The following NFIA variants were observed in gnomAD, a reference collection of about 807,000 sequenced individuals.
NFIA encodes the protein nuclear factor 1 A-type.
A neutral mutation model predicts 62.8 loss-of-function variants in NFIA; 8 were observed. That is an observed-to-expected ratio of 0.13 (90% confidence interval 0.07 to 0.23). The LOEUF is 0.23. Ranked by LOEUF, NFIA falls within the 10% of genes least tolerant of loss-of-function variation. The pLI, the probability that NFIA is intolerant of heterozygous loss-of-function variation, is 1.00. For synonymous variants in NFIA, 235 were observed against 238.1 expected, an observed-to-expected ratio of 0.99 and a Z score of 0.12; for missense variants, 410 against 642.1, an observed-to-expected ratio of 0.64 and a Z score of 3.91.
At chr1:61,449,512 CATCTAATCT>C (rs1480156476) in intron 10 of NFIA, among the ~76,000 whole-genome samples, 2 of 152,212 alleles carry the variant, frequency 1.3e-5, no homozygotes, top group African/African-American at 4.8e-5. Flanking sequence ...GAAGAAGGGA[CATCTAATCT>C]TAGAACCCAA....
At chr1:61,190,220 A>G (rs1359550452) in intron 2 of NFIA, among the ~76,000 whole-genome samples, 1 of 152,200 alleles carries the variant, frequency 6.6e-6, no homozygotes, top group Non-Finnish European at 1.5e-5. Flanking sequence ...ACTAGAGGCC[A>G]CGGTCTTAAT....
At position 61,200,058 on chromosome 1, in the gene NFIA, A is replaced by ACATATATATACG. The variant is rs1557632091; in HGVS notation, c.560-77462_560-77461insCATATATATACG. 4.3e-3 allele frequency among the ~76,000 whole-genome samples: 200 copies of ACATATATATACG among 46,860 alleles called. 12 individuals carry two copies. The highest frequency in any genetic ancestry group is 0.019 in the African/African-American group (182 of 9,562). The allele number at this position is 46,860 out of a possible 152,430, so 30.7% of individuals were successfully genotyped here. A position where few individuals can be genotyped will look rare whatever the true frequency, so the allele number is the denominator to read the frequency against. On this transcript the variant is annotated intron_variant, in intron 2 of 10. Transcript: ENST00000403491. ...TATATATATATATATATATATATATATATATATATGTATGTATGTTGAGCT... is the reference window on the plus strand; with the variant it reads ...TATATATATATATATATATATATATACATATATATACGTATATATATGTATGTATGTTGAGCT...
At chr1:61,401,744 G>C (rs1176246219) in intron 7 of NFIA, among the ~76,000 whole-genome samples, 1 of 152,154 alleles carries the variant, frequency 6.6e-6, no homozygotes, top group Admixed American at 6.5e-5. Flanking sequence ...GTTTTGTTAG[G>C]CTCAGTATAT....
intron 9 of NFIA, among the ~76,000 whole-genome samples, chr1:61,419,617 C>A (rs1332565039): frequency 6.6e-6 from 1 of 152,066 alleles, no homozygotes; most frequent in Non-Finnish European, 1.5e-5. Flanking sequence ...TACTTTTTAC[C>A]CCAAATTCTG....
intron 3 of NFIA, among the ~76,000 whole-genome samples, chr1:61,295,456 A>G (rs1659142624): frequency 6.6e-6 from 1 of 152,208 alleles, no homozygotes; most frequent in African/African-American, 2.4e-5. Context: ...TGGGTTCAGA[A>G]CATGGGTAAA....
At chr1:61,158,390 C>T (rs1648956370) in intron 2 of NFIA, among the ~76,000 whole-genome samples, 1 of 152,024 alleles carries the variant, frequency 6.6e-6, no homozygotes, top group Non-Finnish European at 1.5e-5. Context: ...ATCCTACTAC[C>T]CTGATTTACT....
intron 2 of NFIA, among the ~76,000 whole-genome samples, chr1:61,170,354 C>T (rs1425165818): frequency 6.6e-6 from 1 of 152,174 alleles, no homozygotes; most frequent in Non-Finnish European, 1.5e-5. Context: ...CCTTTTACCT[C>T]GATGGGGGAG....
chr1:61,188,729 C>T (rs1030983487), intron 2 of NFIA, among the ~76,000 whole-genome samples: 2 of 152,078 alleles, frequency 1.3e-5, no homozygotes, highest in African/African-American at 4.8e-5. Flanking sequence ...CTGAAAATTC[C>T]CATCTTCAAA....
intron 10 of NFIA, among the ~76,000 whole-genome samples, chr1:61,433,039 A>G (rs1557434713): frequency 6.6e-6 from 1 of 152,134 alleles, no homozygotes; most frequent in Non-Finnish European, 1.5e-5. Flanking sequence ...GTTTTTCACA[A>G]ATACTTATCT....
upstream of NFIA, chr1:61,081,963 C>T (rs1239025616): frequency 4.5e-6 from 7 of 1,549,508 alleles, no homozygotes; most frequent in Non-Finnish European, 8.7e-7. Context: ...TGCCGCCCGG[C>T]CTCCTCCTCG....
rs576613886 is a variant in NFIA at position 61,283,581 on chromosome 1, C to CAAAAAA, written c.625+6018_625+6023dup. On this transcript the variant is annotated intron_variant, in intron 3 of 10. Coordinates refer to ENST00000403491, the MANE Select transcript of NFIA (RefSeq NM_001134673.4). ...TGGGTGACAGAACGAGACTCTGTCT[C>CAAAAAA]AAAAAAAAAAAAAAAAAAAAAAAAA... is the stretch of plus-strand genomic sequence containing the variant. Among the ~76,000 whole-genome samples the CAAAAAA allele has an allele frequency of 4.1e-4, 15 of 36,692 alleles. 3 individuals are homozygous for CAAAAAA. The highest frequency in any genetic ancestry group is 9.2e-4 in the East Asian group (1 of 1,092). 24.1% of individuals were successfully genotyped at this position (36,692 alleles called of 152,430 possible).
At chr1:61,112,745 A>G (rs898976191) in intron 2 of NFIA, among the ~76,000 whole-genome samples, 7 of 152,212 alleles carry the variant, frequency 4.6e-5, no homozygotes, top group African/African-American at 1.4e-4. Context: ...ATGTTTGCAT[A>G]CAATGGATTA....
At chr1:61,313,668 A>G (rs1285389254) in intron 3 of NFIA, among the ~76,000 whole-genome samples, 1 of 152,184 alleles carries the variant, frequency 6.6e-6, no homozygotes, top group African/African-American at 2.4e-5. Context: ...TGGTTTGGGT[A>G]AAATCTACTG....
chr1:61,371,809 A>G (rs1465025375), intron 6 of NFIA, among the ~76,000 whole-genome samples: 2 of 152,184 alleles, frequency 1.3e-5, no homozygotes, highest in African/African-American at 2.4e-5. Context: ...ATATGGAAAT[A>G]GTCCTTTGGT....
At chr1:61,334,766 A>G (rs979837563) in intron 4 of NFIA, among the ~76,000 whole-genome samples, 13 of 151,750 alleles carry the variant, frequency 8.6e-5, no homozygotes, top group African/African-American at 2.9e-4. Flanking sequence ...GGATGCTGCA[A>G]TTCTTACATT....
chr1:61,462,030 T>TG lies in NFIA; in HGVS notation c.*6710_*6711insG, dbSNP rs985165327. On this transcript the variant is annotated 3_prime_UTR_variant, in exon 11 of 11. Coordinates refer to ENST00000403491, the MANE Select transcript of NFIA (RefSeq NM_001134673.4). ...TGTAAGTTAGCCTTTTTGGGTTTTT[T>TG]TTTTTTTTTTTTGGCTTTTTTTTTT... 11 of 150,152 alleles carry TG rather than the reference T, an allele frequency of 7.3e-5. No individual in the cohort carries two copies. Among genetic ancestry groups the TG allele is most frequent in the African/African-American group, 2.7e-4 (11 of 40,972 alleles). The allele number at this position is 150,152 out of a possible 1,614,324, so 9.3% of individuals were successfully genotyped here.
At chr1:61,261,155 C>A (rs1656750029) in intron 2 of NFIA, among the ~76,000 whole-genome samples, 1 of 152,182 alleles carries the variant, frequency 6.6e-6, no homozygotes, top group African/African-American at 2.4e-5. Context: ...GCTAACCCAG[C>A]TTCTAACAGT....
chr1:61,312,181 G>A (rs1660155100), intron 3 of NFIA, among the ~76,000 whole-genome samples: 1 of 152,238 alleles, frequency 6.6e-6, no homozygotes, highest in Admixed American at 6.5e-5. Flanking sequence ...AGACTTGTGA[G>A]TGCACAGTTG....
At chr1:61,086,648 T>C (rs1188510422) in intron 1 of NFIA, among the ~76,000 whole-genome samples, 2 of 152,268 alleles carry the variant, frequency 1.3e-5, no homozygotes, top group East Asian at 1.9e-4. Flanking sequence ...TGTATTAATA[T>C]ATACTTACTT....
Sources: gnomAD v4.1 joint callset for allele counts (sites outside exome capture counted in the v4.1 genomes callset) on GRCh38, gnomAD v4.1.1 for gene constraint, MANE v1.5 for transcripts, NCBI Gene and HGNC (gene_info 2026-07-23, HGNC 2026-07-21) for gene names.